Variants in TTLL5 observed in about 807,000 individuals in gnomAD.
The protein encoded by TTLL5 is tubulin polyglutamylase TTLL5.
A neutral mutation model predicts 168.4 loss-of-function variants in TTLL5; 132 were observed. The ratio of observed to expected loss-of-function variants is 0.78; its 90% CI spans 0.68 to 0.91. The LOEUF is 0.91. TTLL5 is among the 40% of genes least tolerant of loss of function. TTLL5 has a pLI of 0.00. For missense variants in TTLL5, 1,545 were observed against 1,581.5 expected, an observed-to-expected ratio of 0.98 and a Z score of 0.39; for synonymous variants, 546 against 558.6, an observed-to-expected ratio of 0.98 and a Z score of 0.32.
chr14:75,845,722 A>G (rs372202639), intron 28 of TTLL5, among the ~76,000 whole-genome samples: 3 of 152,298 alleles, frequency 2.0e-5, no homozygotes, highest in East Asian at 1.9e-4. Context: ...CCATTTGTCC[A>G]TGGTCACACC....
At chr14:75,885,366 C>T (rs2032057505) in intron 30 of TTLL5, among the ~76,000 whole-genome samples, 1 of 151,786 alleles carries the variant, frequency 6.6e-6, no homozygotes, top group Admixed American at 6.6e-5. Flanking sequence ...ATGGTGGGCG[C>T]CTGTAGTCCC....
intron 27 of TTLL5, among the ~76,000 whole-genome samples, chr14:75,797,285 T>C (rs953783228): frequency 6.6e-6 from 1 of 152,154 alleles, no homozygotes; most frequent in Non-Finnish European, 1.5e-5. Context: ...ATCCTGAAAC[T>C]TTACTGAATT....
chr14:75,735,562 T>G (rs549362888), intron 15 of TTLL5, among the ~76,000 whole-genome samples: 1 of 152,346 alleles, frequency 6.6e-6, no homozygotes. Flanking sequence ...ATCACGTTTT[T>G]TCCGCCTCAG....
intron 10 of TTLL5, among the ~76,000 whole-genome samples, chr14:75,719,269 G>A (rs997609622): frequency 1.3e-5 from 2 of 152,176 alleles, no homozygotes; most frequent in Non-Finnish European, 2.9e-5. Context: ...AATTCTGTGT[G>A]GGGTTATTTC....
chr14:75,872,399 A>G (rs2031108651), intron 29 of TTLL5, among the ~76,000 whole-genome samples: 1 of 152,232 alleles, frequency 6.6e-6, no homozygotes, highest in African/African-American at 2.4e-5. Flanking sequence ...TAAATAAGAA[A>G]GGCAGCATAG....
intron 28 of TTLL5, among the ~76,000 whole-genome samples, chr14:75,839,289 A>T (rs900444001): frequency 6.6e-6 from 1 of 152,180 alleles, no homozygotes; most frequent in East Asian, 1.9e-4. Context: ...AGGAACCATC[A>T]TACTGTTTTC....
Position 75,819,970 on chromosome 14 carries a change from CTG to C in TTLL5, c.3172-35_3172-34del, listed in dbSNP as rs761413241. On this transcript the variant is annotated intron_variant, in intron 27 of 31. Transcript: ENST00000298832. ...TTGTTAATGATGCTTTTTAAAAACT[CTG>C]TAAAGTCAGGTTATTTCCCTCGCTT... 1.1e-5 allele frequency: 17 copies of C among 1,564,774 alleles called. No homozygotes were observed. The South Asian group carries it at 2.1e-4, about 19-fold the overall frequency.
chr14:75,684,269 C>T (rs1884860269), intron 5 of TTLL5: 1 of 152,178 alleles, frequency 6.6e-6, no homozygotes, highest in Non-Finnish European at 1.5e-5. Context: ...TTTCTTACTT[C>T]CCCTTCACAG....
chr14:75,795,906 CT>C (rs977705194), intron 27 of TTLL5, among the ~76,000 whole-genome samples: 1 of 152,102 alleles, frequency 6.6e-6, no homozygotes, highest in Admixed American at 6.5e-5. Flanking sequence ...GTGCAAGTAT[CT>C]TTTTCATATA....
intron 30 of TTLL5, among the ~76,000 whole-genome samples, chr14:75,891,772 A>G (rs1322892580): frequency 2.0e-5 from 3 of 152,220 alleles, no homozygotes; most frequent in African/African-American, 2.4e-5. Flanking sequence ...ACAGTTGTTA[A>G]TAGCCTGGAA....
At chr14:75,902,372 T>C (rs377537518) in intron 31 of TTLL5, 148 bp downstream of exon 31, 9 of 836,282 alleles carry the variant, frequency 1.1e-5, no homozygotes, top group Middle Eastern at 4.7e-4. Context: ...GGCATTTTTG[T>C]TGCATTCTTC....
intron 27 of TTLL5, among the ~76,000 whole-genome samples, chr14:75,817,082 C>T (rs1465886327): frequency 1.4e-5 from 2 of 145,454 alleles, no homozygotes; most frequent in South Asian, 2.2e-4. Flanking sequence ...TGGGTTCAAG[C>T]AATTCTCCTG....
intron 8 of TTLL5, 61 bp downstream of exon 8, chr14:75,707,148 T>C: frequency 7.8e-7 from 1 of 1,275,474 alleles, no homozygotes. Flanking sequence ...TTTTTAAGCT[T>C]TTCATAGCCT....
chr14:75,679,588 A>G (rs550056795), intron 3 of TTLL5, among the ~76,000 whole-genome samples: 4 of 152,368 alleles, frequency 2.6e-5, no homozygotes, highest in South Asian at 2.1e-4. Context: ...GGATTCTTTT[A>G]TAAGTACATT....
intron 28 of TTLL5, among the ~76,000 whole-genome samples, chr14:75,855,414 G>A (rs1445418314): frequency 6.6e-6 from 1 of 152,170 alleles, no homozygotes. Flanking sequence ...GAATTGCCAC[G>A]GGTGAGTTTT....
chr14:75,880,596 T>G (rs1354693761), intron 29 of TTLL5, among the ~76,000 whole-genome samples: 1 of 152,188 alleles, frequency 6.6e-6, no homozygotes, highest in African/African-American at 2.4e-5. Context: ...ACCTCAATTA[T>G]TAGGATGTAG....
chr14:75,663,055 G>T lies in TTLL5; in HGVS notation c.-95G>T, dbSNP rs1890860841. 2.0e-6 allele frequency: 2 copies of T among 1,021,402 alleles called. No homozygotes were observed. The highest frequency in any genetic ancestry group is 3.2e-5 in the African/African-American group (2 of 63,190). 63.3% of individuals were successfully genotyped at this position (1,021,402 alleles called of 1,614,324 possible). On this transcript the variant is annotated splice_region_variant and 5_prime_UTR_variant, in exon 2 of 32. The change creates a premature stop within an existing upstream ORF in the 5' untranslated region. Coordinates refer to ENST00000298832, the MANE Select transcript of TTLL5 (RefSeq NM_015072.5). ...ATCCAATCAAGTTGATTTCTTGCAG[G>T]AATCTGTGCCATCCAAATTGCTTGA...
At chr14:75,700,965 A>G (rs1173756404) in intron 7 of TTLL5, among the ~76,000 whole-genome samples, 1 of 151,702 alleles carries the variant, frequency 6.6e-6, no homozygotes, top group Non-Finnish European at 1.5e-5. Context: ...TCTTTAAGGA[A>G]AGTTATCTTC....
chr14:75,766,228 G>C lies in TTLL5; in HGVS notation c.1875G>C (p.Leu625Phe). 6.2e-7 allele frequency: 1 copy of C among 1,613,930 alleles called. No homozygotes were observed. Among genetic ancestry groups the C allele is most frequent in the Non-Finnish European group, 8.5e-7 (1 of 1,179,954 alleles). The change falls in exon 20 of 32, where the codon TTG (leucine) becomes TTC (phenylalanine). Residue 625 changes from leucine to phenylalanine, a missense_variant. Leu to Phe is a conservative substitution (Grantham distance 22). Coordinates refer to ENST00000298832, the MANE Select transcript of TTLL5 (RefSeq NM_015072.5). ...AATATACACCCTCATTGACAGCTTT[G>C]GTAGAAAATACACCCAAAGAAAATT... ...QAKYTPSLTA[L>F]VENTPKENSM...
Sources: allele counts gnomAD v4.1 joint callset (sites outside exome capture counted in the v4.1 genomes callset), GRCh38; gene constraint gnomAD v4.1.1; transcripts MANE v1.5; gene names NCBI Gene and HGNC (gene_info 2026-07-23, HGNC 2026-07-21).